The following SDK1 variants were observed in gnomAD, a reference collection of about 807,000 sequenced individuals.
SDK1 encodes sidekick cell adhesion molecule 1.
A neutral mutation model predicts 245.5 loss-of-function variants in SDK1; 157 were observed. That is an observed-to-expected ratio of 0.64 (90% confidence interval 0.56 to 0.73). The LOEUF (loss-of-function observed/expected upper bound fraction) is 0.73, where lower values mean the gene tolerates loss of function less well. Among genes scored for constraint, SDK1 ranks in the 30% least tolerant of loss-of-function variants. The probability of loss-of-function intolerance (pLI) is 0.00; values close to 1 mark genes in which losing one functional copy is unlikely to be tolerated. For synonymous variants in SDK1, 1,647 were observed against 1,278.5 expected, an observed-to-expected ratio of 1.29 and a Z score of -6.15; for missense variants, 3,583 against 3,002.3, an observed-to-expected ratio of 1.19 and a Z score of -4.52.
At chr7:3,595,164 G>A (rs1053488722) in intron 1 of SDK1, among the ~76,000 whole-genome samples, 2 of 151,936 alleles carry the variant, frequency 1.3e-5, no homozygotes, top group Non-Finnish European at 2.9e-5. Context: ...TGAATAATGT[G>A]AGCTTTTTCA....
chr7:3,780,988 C>A (rs1415658123), intron 4 of SDK1, among the ~76,000 whole-genome samples: 1 of 152,098 alleles, frequency 6.6e-6, no homozygotes, highest in Non-Finnish European at 1.5e-5. Context: ...GAGACTCCCA[C>A]CTTCATGGAT....
intron 1 of SDK1, among the ~76,000 whole-genome samples, chr7:3,377,550 C>T (rs1284624369): frequency 2.0e-5 from 3 of 152,050 alleles, no homozygotes; most frequent in African/African-American, 2.4e-5. Flanking sequence ...CCCTGTCAGG[C>T]AGAGCTGCTG....
intron 4 of SDK1, among the ~76,000 whole-genome samples, chr7:3,705,035 T>G (rs1231900961): frequency 6.6e-6 from 1 of 152,174 alleles, no homozygotes; most frequent in East Asian, 1.9e-4. Flanking sequence ...CTACTCTGTT[T>G]CATTGGTCTA....
intron 4 of SDK1, among the ~76,000 whole-genome samples, chr7:3,739,189 A>T (rs1190271413): frequency 6.6e-6 from 1 of 152,106 alleles, no homozygotes; most frequent in Non-Finnish European, 1.5e-5. Flanking sequence ...TCTTTTCTTG[A>T]CAAGTAATTG....
intron 17 of SDK1, among the ~76,000 whole-genome samples, chr7:4,027,678 GTAA>G (rs1787463443): frequency 6.6e-6 from 1 of 152,206 alleles, no homozygotes; most frequent in South Asian, 2.1e-4. Context: ...AAGATGAATA[GTAA>G]TAATCTTTTC....
chr7:4,110,762 A>G lies in SDK1; in HGVS notation c.3424A>G (p.Thr1142Ala). 1 of 1,609,124 alleles carries G rather than the reference A, an allele frequency of 6.2e-7. No homozygotes were observed. Among genetic ancestry groups the G allele is most frequent in the Non-Finnish European group, 8.5e-7 (1 of 1,175,540 alleles). The change falls in exon 23 of 45, where the codon ACT (threonine) becomes GCT (alanine). Residue 1142 changes from threonine (T) to alanine (A), a missense_variant. Physicochemically the swap from Thr to Ala is moderately conservative, Grantham distance 58. Coordinates refer to ENST00000404826, the MANE Select transcript of SDK1 (RefSeq NM_152744.4). ...GGAGATCCCAAACCTCACACCCTAC[A>G]CTCACTACAGGTGAGAACAGCAGTG... ...MLEIPNLTPY[T>A]HYRFRMKQVN...
chr7:3,616,685 T>C (rs779572625), intron 1 of SDK1, among the ~76,000 whole-genome samples: 3 of 152,228 alleles, frequency 2.0e-5, no homozygotes, highest in Non-Finnish European at 2.9e-5. Context: ...ATTACTAATA[T>C]ACCAATTATG....
At chr7:4,236,073 G>A (rs1786146014) in intron 41 of SDK1, among the ~76,000 whole-genome samples, 1 of 152,246 alleles carries the variant, frequency 6.6e-6, no homozygotes, top group Non-Finnish European at 1.5e-5. Context: ...CTGTGAACCT[G>A]CATTAGCCAA....
chr7:3,723,846 GTACATA>G (rs1216101486), intron 4 of SDK1, among the ~76,000 whole-genome samples: 2 of 131,240 alleles, frequency 1.5e-5, no homozygotes, highest in African/African-American at 2.9e-5. Context: ...GTATATACAC[GTACATA>G]TACATATACA....
chr7:3,923,315 C>T (rs992180707), intron 5 of SDK1, among the ~76,000 whole-genome samples: 2 of 151,992 alleles, frequency 1.3e-5, no homozygotes, highest in African/African-American at 4.8e-5. Context: ...AGGGCTACTT[C>T]ACTTTTATTT....
chr7:3,333,732 C>T lies in SDK1; in HGVS notation c.298+31848C>T, dbSNP rs190245687. ...TTTGACGATGGTATTGGTCAGGGTT[C>T]GATTATCGAGGACAGACTCTAATTC... On this transcript the variant is annotated intron_variant, in intron 1 of 44. Coordinates refer to ENST00000404826, the MANE Select transcript of SDK1 (RefSeq NM_152744.4). 2.8e-4 allele frequency among the ~76,000 whole-genome samples: 42 copies of T among 152,198 alleles called. 2 individuals carry two copies. In the East Asian group the frequency reaches 5.6e-3, roughly 20 times the overall value.
intron 4 of SDK1, among the ~76,000 whole-genome samples, chr7:3,673,660 T>C (rs575680562): frequency 3.2e-4 from 49 of 152,348 alleles, no homozygotes; most frequent in African/African-American, 1.1e-3. Flanking sequence ...TTAGGTAGTT[T>C]CGTCTTGCTC....
intron 1 of SDK1, among the ~76,000 whole-genome samples, chr7:3,379,250 A>G (rs948502021): frequency 6.6e-6 from 1 of 152,126 alleles, no homozygotes; most frequent in Non-Finnish European, 1.5e-5. Context: ...GATGGAGCTT[A>G]TGTATGGTCT....
At chr7:3,676,476 C>A (rs1297177126) in intron 4 of SDK1, among the ~76,000 whole-genome samples, 1 of 152,082 alleles carries the variant, frequency 6.6e-6, no homozygotes, top group African/African-American at 2.4e-5. Flanking sequence ...CAGGCGCCTG[C>A]CACCACGCCC....
At chr7:3,351,884 T>G (rs1214392489) in intron 1 of SDK1, among the ~76,000 whole-genome samples, 1 of 151,990 alleles carries the variant, frequency 6.6e-6, no homozygotes, top group Non-Finnish European at 1.5e-5. Context: ...TGAACAAATC[T>G]GACCTCATGG....
At chr7:4,027,054 G>T (rs184713588) in intron 17 of SDK1, among the ~76,000 whole-genome samples, 34 of 152,154 alleles carry the variant, frequency 2.2e-4, no homozygotes, top group Non-Finnish European at 4.3e-4. Context: ...TGTGCAGGAC[G>T]TGAAGATTTG....
chr7:4,051,512 A>G (rs1789474425), intron 18 of SDK1, 126 bp from the exon 19 acceptor site: 1 of 771,176 alleles, frequency 1.3e-6, no homozygotes. Flanking sequence ...TATAAAATGC[A>G]GGATTTATGG....
intron 5 of SDK1, among the ~76,000 whole-genome samples, chr7:3,880,731 A>G (rs986317239): frequency 2.6e-4 from 39 of 151,984 alleles, no homozygotes; most frequent in Admixed American, 1.4e-3. Flanking sequence ...CCCAGCCTTC[A>G]CTTCACTGAA....
At chr7:3,811,958 G>T (rs533350419) in intron 4 of SDK1, among the ~76,000 whole-genome samples, 27 of 152,334 alleles carry the variant, frequency 1.8e-4, no homozygotes, top group African/African-American at 6.0e-4. Context: ...TTTGCTGCCT[G>T]TGTGGCGTAT....
Sources: gnomAD v4.1 joint callset for allele counts (sites outside exome capture counted in the v4.1 genomes callset) on GRCh38, gnomAD v4.1.1 for gene constraint, MANE v1.5 for transcripts, NCBI Gene and HGNC (gene_info 2026-07-23, HGNC 2026-07-21) for gene names.